The following KAZN variants were observed in gnomAD, a reference collection of about 807,000 sequenced individuals.
KAZN encodes kazrin, periplakin interacting protein.
A neutral mutation model predicts 87.4 loss-of-function variants in KAZN; 40 were observed. That is an observed-to-expected ratio of 0.46 (90% CI 0.36 to 0.60). The LOEUF is 0.60. KAZN is among the 20% of genes least tolerant of loss of function. KAZN has a pLI of 0.00. For synonymous variants in KAZN, 466 were observed against 458.3 expected, an observed-to-expected ratio of 1.02 and a Z score of -0.22; for missense variants, 898 against 1,073.9, an observed-to-expected ratio of 0.84 and a Z score of 2.29.
At chr1:14,408,126 A>G (rs1382914157) in intron 2 of KAZN, among the ~76,000 whole-genome samples, 3 of 152,164 alleles carry the variant, frequency 2.0e-5, no homozygotes, top group Non-Finnish European at 4.4e-5. Context: ...TTAAGGTGAG[A>G]AATCTCTTGA....
At chr1:14,646,027 A>G (rs943702046) in intron 1 of KAZN, among the ~76,000 whole-genome samples, 2 of 152,154 alleles carry the variant, frequency 1.3e-5, no homozygotes, top group Non-Finnish European at 2.9e-5. Flanking sequence ...GGTTCCATGT[A>G]TATGGCATTC....
At chr1:14,790,556 T>C (rs1305549567) in intron 1 of KAZN, among the ~76,000 whole-genome samples, 1 of 152,188 alleles carries the variant, frequency 6.6e-6, no homozygotes, top group Non-Finnish European at 1.5e-5. Context: ...TACAGCACCC[T>C]AAAAAGCAAA....
chr1:14,496,099 T>A (rs1669926973), intron 2 of KAZN, among the ~76,000 whole-genome samples: 1 of 152,230 alleles, frequency 6.6e-6, no homozygotes, highest in African/African-American at 2.4e-5. Flanking sequence ...TTTCACCGAT[T>A]CAAGACAATG....
At chr1:14,893,727 G>A (rs149024194) in intron 1 of KAZN, among the ~76,000 whole-genome samples, 1,595 of 152,202 alleles carry the variant, frequency 0.01, 32 homozygotes, top group African/African-American at 0.036. Context: ...GGTCAGAGTG[G>A]GCAGAATCAA....
intron 1 of KAZN, among the ~76,000 whole-genome samples, chr1:14,850,097 A>G (rs929425370): frequency 6.6e-6 from 1 of 151,876 alleles, no homozygotes; most frequent in Non-Finnish European, 1.5e-5. Context: ...CACCACACCC[A>G]GCTAATTTTT....
At chr1:14,243,484 G>A (rs562150921) in intron 2 of KAZN, among the ~76,000 whole-genome samples, 3 of 152,146 alleles carry the variant, frequency 2.0e-5, no homozygotes, top group Non-Finnish European at 4.4e-5. Context: ...GTCGGTTTTG[G>A]TTTAACGTAG....
At position 13,974,334 on chromosome 1, in the gene KAZN, TA is replaced by T. The variant is rs1196341769; in HGVS notation, c.91+80580del. ...GTTTATATCAGTGTAGGGAACTGTTTAAGATGTAAGTTGGCAGATACCAGCT... is the reference window on the plus strand; with the variant it reads ...GTTTATATCAGTGTAGGGAACTGTTTAGATGTAAGTTGGCAGATACCAGCT... On this transcript the variant is annotated intron_variant, in intron 1 of 16. Transcript: ENST00000636203. 2.0e-5 allele frequency among the ~76,000 whole-genome samples: 3 copies of T among 151,956 alleles called. No individual in the cohort carries two copies. The East Asian group carries it at 5.9e-4, about 30-fold the overall frequency.
chr1:14,929,511 G>C (rs745393880), intron 1 of KAZN, among the ~76,000 whole-genome samples: 1 of 152,174 alleles, frequency 6.6e-6, no homozygotes, highest in Non-Finnish European at 1.5e-5. Flanking sequence ...CCTGGCTCTG[G>C]GGTTAGCCTC....
intron 2 of KAZN, among the ~76,000 whole-genome samples, chr1:14,416,170 A>T (rs1664741514): frequency 6.6e-6 from 1 of 152,212 alleles, no homozygotes; most frequent in Non-Finnish European, 1.5e-5. Flanking sequence ...GCAGTGCCTC[A>T]TTCAGGGATT....
chr1:14,382,442 A>G (rs1205220701), intron 2 of KAZN, among the ~76,000 whole-genome samples: 3 of 112,852 alleles, frequency 2.7e-5, no homozygotes, highest in Non-Finnish European at 3.6e-5. Flanking sequence ...AGCATTAGGT[A>G]TATCTCCCAA....
At chr1:14,161,080 A>G (rs1254487750) in intron 1 of KAZN, among the ~76,000 whole-genome samples, 1 of 152,226 alleles carries the variant, frequency 6.6e-6, no homozygotes, top group Non-Finnish European at 1.5e-5. Context: ...AATTAAATGT[A>G]TCTTAAACAC....
intron 2 of KAZN, among the ~76,000 whole-genome samples, chr1:14,980,147 C>T (rs1484939322): frequency 6.6e-6 from 1 of 152,182 alleles, no homozygotes; most frequent in Non-Finnish European, 1.5e-5. Context: ...CCTCCACCTC[C>T]CAAAGTGCTG....
intron 2 of KAZN, among the ~76,000 whole-genome samples, chr1:14,267,359 CAAAAA>C (rs61641430): frequency 1.5e-5 from 1 of 64,744 alleles, no homozygotes; most frequent in Non-Finnish European, 3.3e-5. Flanking sequence ...AGCCGATAAG[CAAAAA>C]AAAAAAAAAA....
At chr1:14,580,501 AATAAATAAATAAAT>A (rs900883645) in intron 2 of KAZN, among the ~76,000 whole-genome samples, 1 of 151,804 alleles carries the variant, frequency 6.6e-6, no homozygotes, top group Non-Finnish European at 1.5e-5. Context: ...TAAATAAATA[AATAAATAAATAAAT>A]AAAGTATATT....
rs544117327 is a variant in KAZN at position 14,489,365 on chromosome 1, A to G, written c.250-109618A>G. The stretch of plus-strand genomic sequence containing the variant: ...TAAATCGGGATAAAATTATATATAT[A>G]TAAACTGTATCTACATAAAATGTAT... On this transcript the variant is annotated intron_variant, in intron 2 of 16. Coordinates refer to the KAZN transcript ENST00000636203. 3.9e-5 allele frequency among the ~76,000 whole-genome samples: 6 copies of G among 152,312 alleles called. No individual in the cohort carries two copies. In the East Asian group the frequency reaches 1.2e-3, roughly 29 times the overall value.
chr1:14,628,685 C>T lies in KAZN; in HGVS notation c.226+29462C>T, dbSNP rs180820463. Among the ~76,000 whole-genome samples the T allele has an allele frequency of 4.2e-3, 640 of 152,236 alleles. 7 individuals carry two copies. Among genetic ancestry groups the T allele is most frequent in the African/African-American group, 0.014 (576 of 41,556 alleles). ...GATTTCATTTTATCTTTGCAGTAAC[C>T]TTACAAGGGGTGGGTCCCACCGTCC... On this transcript the variant is annotated intron_variant, in intron 1 of 14. Coordinates refer to ENST00000376030, the MANE Select transcript of KAZN (RefSeq NM_201628.3).
At chr1:14,550,932 G>A (rs772401583) in intron 2 of KAZN, among the ~76,000 whole-genome samples, 12 of 150,426 alleles carry the variant, frequency 8.0e-5, no homozygotes, top group Non-Finnish European at 1.3e-4. Context: ...TCTTCTCCCC[G>A]GCAGTCTCCC....
chr1:13,961,731 T>A (rs543462096), intron 1 of KAZN, among the ~76,000 whole-genome samples: 3 of 152,312 alleles, frequency 2.0e-5, no homozygotes, highest in Admixed American at 2.0e-4. Flanking sequence ...ATACCTGACC[T>A]CACCTTGAGA....
chr1:14,795,667 C>G (rs1335203535), intron 1 of KAZN, among the ~76,000 whole-genome samples: 3 of 152,118 alleles, frequency 2.0e-5, no homozygotes, highest in African/African-American at 7.2e-5. Flanking sequence ...CTGGCTCTCA[C>G]CTCCTCTCCA....
Sources: gnomAD v4.1 joint callset for allele counts (sites outside exome capture counted in the v4.1 genomes callset) on GRCh38, gnomAD v4.1.1 for gene constraint, MANE v1.5 for transcripts, NCBI Gene and HGNC (gene_info 2026-07-23, HGNC 2026-07-21) for gene names.